RPS26: variants seen among roughly 807,000 people sequenced by gnomAD.
RPS26 encodes the protein small ribosomal subunit protein eS26.
RPS26 carries 1 observed loss-of-function variant against 14.7 expected under a neutral mutation model. The observed-to-expected ratio is 0.07, with a 90% CI of 0.02 to 0.32. The LOEUF (loss-of-function observed/expected upper bound fraction) is 0.32. Ranked by LOEUF, RPS26 falls within the 10% of genes least tolerant of loss-of-function variation. The pLI, the probability that RPS26 is intolerant of heterozygous loss-of-function variation, is 1.00. For synonymous variants in RPS26, 59 were observed against 53.1 expected (o/e 1.11, Z -0.48); for missense variants, 63 against 157.7 (o/e 0.40, Z 3.22).
Position 56,042,613 on chromosome 12 carries a change from C to T in RPS26, c.181+11C>T. ...CGAGCGTCTTCGATGGTAAGTGGGT[C>T]ACCGGCGCGAACTGTGTGAGGATCC... On this transcript the variant is annotated intron_variant, in intron 2 of 3. Coordinates refer to ENST00000646449, the MANE Select transcript of RPS26 (RefSeq NM_001029.5). The T allele has an allele frequency of 2.5e-6, 4 of 1,597,020 alleles. No homozygotes were observed. Among genetic ancestry groups the T allele is most frequent in the Non-Finnish European group, 3.4e-6 (4 of 1,178,454 alleles).
Position 56,044,308 on chromosome 12 carries a change from T to C in RPS26, c.*154T>C, listed in dbSNP as rs954072836. ...TGTGAAGTGACACACATTATTTTCATGGGGAAGAAAGCTTATTCATGTAAT... is the reference window on the plus strand; with the variant it reads ...TGTGAAGTGACACACATTATTTTCACGGGGAAGAAAGCTTATTCATGTAAT... On this transcript the variant is annotated 3_prime_UTR_variant, in exon 4 of 4. Coordinates refer to ENST00000646449, the MANE Select transcript of RPS26 (RefSeq NM_001029.5). The C allele has an allele frequency of 1.6e-6, 1 of 628,414 alleles. No individual in the cohort carries two copies. The highest frequency in any genetic ancestry group is 2.8e-6 in the Non-Finnish European group (1 of 351,768). The allele number at this position is 628,414 out of a possible 1,614,324, so 38.9% of individuals were successfully genotyped here. A position where few individuals can be genotyped will look rare whatever the true frequency, so the allele number is the denominator to read the frequency against.
rs752360531 is a variant in RPS26 at position 56,042,160 on chromosome 12, C to T, written c.-7C>T. The T allele has an allele frequency of 1.2e-5, 20 of 1,614,040 alleles. No homozygotes were observed. The highest frequency in any genetic ancestry group is 1.2e-4 in the African/African-American group (9 of 74,938). On this transcript the variant is annotated 5_prime_UTR_variant, in exon 1 of 4. Coordinates refer to ENST00000646449, the MANE Select transcript of RPS26 (RefSeq NM_001029.5). Reference sequence around the variant, plus strand: ...ACCGTCTCCTCTCTCCGGTCCGTGCCTCCAAGATGGTGAGTCTTCTTGCGT... The same window carrying T: ...ACCGTCTCCTCTCTCCGGTCCGTGCTTCCAAGATGGTGAGTCTTCTTGCGT...
chr12:56,042,194 T>A, intron 1 of RPS26, 25 bp downstream of exon 1: 1 of 1,613,076 alleles, frequency 6.2e-7, no homozygotes. Flanking sequence ...GTGGTGAGGG[T>A]GGGGGTTCGG....
chr12:56,042,929 GGAA>G (rs1895909667), intron 2 of RPS26: 1 of 446,538 alleles, frequency 2.2e-6, no homozygotes, highest in South Asian at 2.2e-5. Flanking sequence ...ATACAGGTGA[GGAA>G]GAATGTCTTC....
chr12:56,043,359 T>G lies in RPS26; in HGVS notation c.182-4T>G. 1 of 1,611,526 alleles carries G rather than the reference T, an allele frequency of 6.2e-7. No homozygotes were observed. Among genetic ancestry groups the G allele is most frequent in the South Asian group, 1.1e-5 (1 of 90,976 alleles). ...CCAGTATAACTCTATTTTCTATTCC[T>G]TAGCCTATGTGCTTCCCAAGCTGTA... is the stretch of plus-strand genomic sequence containing the variant. On this transcript the variant is annotated splice_polypyrimidine_tract_variant and splice_region_variant and intron_variant, in intron 2 of 3. Coordinates refer to ENST00000646449, the MANE Select transcript of RPS26 (RefSeq NM_001029.5).
In RPS26 at chr12:56,042,072, T is replaced by C; in HGVS notation, c.-95T>C. The C allele has an allele frequency of 7.7e-7, 1 of 1,293,018 alleles. No homozygotes were observed. The highest frequency in any genetic ancestry group is 1.1e-6 in the Non-Finnish European group (1 of 887,316). 80.1% of individuals were successfully genotyped at this position (1,293,018 alleles called of 1,614,324 possible). A position where few individuals can be genotyped will look rare whatever the true frequency, so the allele number is the denominator to read the frequency against. On this transcript the variant is annotated 5_prime_UTR_variant, in exon 1 of 4. Transcript: ENST00000646449. ...TGAGTTGCCGTTCTTGAAGCCCGTC[T>C]CCTAAGGATTCTCCCGGTGTCCGCG... is the stretch of plus-strand genomic sequence containing the variant.
chr12:56,043,846 A>G (rs1439059477), intron 3 of RPS26, among the ~76,000 whole-genome samples: 1 of 151,584 alleles, frequency 6.6e-6, no homozygotes, highest in Non-Finnish European at 1.5e-5. Context: ...CCTGTGGTGC[A>G]GGGGGTATCA....
At chr12:56,043,145 T>A in intron 2 of RPS26, 1 of 526,926 alleles carries the variant, frequency 1.9e-6, no homozygotes, top group Non-Finnish European at 3.4e-6. Context: ...CAAGATGAAC[T>A]CACGTGGGAT....
chr12:56,043,242 G>A (rs78628559), intron 2 of RPS26, 121 bp from the exon 3 acceptor site: 62 of 976,418 alleles, frequency 6.3e-5, no homozygotes, highest in Non-Finnish European at 9.5e-5. Context: ...TTATGTGCCC[G>A]ACAGGCATTT....
chr12:56,043,629 T>G, intron 3 of RPS26, 136 bp downstream of exon 3: 3 of 847,466 alleles, frequency 3.5e-6, no homozygotes, highest in Non-Finnish European at 5.8e-6. Context: ...AACCAGCAGT[T>G]CAAGACCCCA....
At chr12:56,043,527 G>C in intron 3 of RPS26, 34 bp downstream of exon 3, 4 of 1,612,892 alleles carry the variant, frequency 2.5e-6, no homozygotes, top group Non-Finnish European at 3.4e-6. Flanking sequence ...GAAGCCAGGG[G>C]AGTGATGGTT....
intron 1 of RPS26, 40 bp downstream of exon 1, chr12:56,042,209 A>C (rs1482334981): frequency 1.2e-6 from 2 of 1,613,238 alleles, no homozygotes; most frequent in African/African-American, 1.3e-5. Flanking sequence ...GTTCGGGTGC[A>C]GACTCTGGGA....
In RPS26 at chr12:56,043,258, G is replaced by C. The variant is rs1051489148; in HGVS notation, c.182-105G>C. On this transcript the variant is annotated intron_variant, in intron 2 of 3. Coordinates refer to ENST00000646449, the MANE Select transcript of RPS26 (RefSeq NM_001029.5). ...TATGTGCCCGACAGGCATTTAAATA[G>C]GTTTAGTTTTAATTGACGTAAACAT... 3 of 1,132,834 alleles carry C rather than the reference G, an allele frequency of 2.6e-6. No individual in the cohort carries two copies. The African/African-American group carries it at 4.6e-5, about 17-fold the overall frequency. 70.2% of individuals were successfully genotyped at this position (1,132,834 alleles called of 1,614,324 possible). A position where few individuals can be genotyped will look rare whatever the true frequency, so the allele number is the denominator to read the frequency against.
intron 3 of RPS26, among the ~76,000 whole-genome samples, 187 bp downstream of exon 3, chr12:56,043,680 T>C (rs1018741922): frequency 3.9e-5 from 6 of 152,050 alleles, no homozygotes; most frequent in Non-Finnish European, 8.8e-5. Flanking sequence ...AGCATGATAG[T>C]GTGAACCTAT....
chr12:56,044,051 G>C (rs544085227), intron 3 of RPS26, 68 bp from the exon 4 acceptor site: 2 of 1,372,096 alleles, frequency 1.5e-6, no homozygotes, highest in East Asian at 2.3e-5. Context: ...TGGTGGTCAA[G>C]TTCTTTGGGG....
intron 2 of RPS26, 200 bp downstream of exon 2, chr12:56,042,802 C>G: frequency 1.5e-6 from 1 of 646,394 alleles, no homozygotes; most frequent in East Asian, 2.7e-5. Flanking sequence ...TGATAGAGTG[C>G]ACAGCCTTTA....
intron 2 of RPS26, chr12:56,043,015 G>A: frequency 5.0e-6 from 2 of 396,956 alleles, no homozygotes; most frequent in Non-Finnish European, 9.4e-6. Context: ...ACGTCGCTTT[G>A]TTTTTTTCCT....
intron 3 of RPS26, 32 bp downstream of exon 3, chr12:56,043,525 G>A: frequency 1.2e-6 from 2 of 1,612,942 alleles, no homozygotes; most frequent in Non-Finnish European, 1.7e-6. Context: ...TGGAAGCCAG[G>A]GGAGTGATGG....
rs1191650736 is a variant in RPS26, at chr12:56,044,345, CTTTTTTTTTTTT to C, written c.*200_*211del. On this transcript the variant is annotated 3_prime_UTR_variant, in exon 4 of 4. Transcript: ENST00000646449. ...CTTATTCATGTAATTTAATTTTTTT[CTTTTTTTTTTTT>C]TTTTTTTTGAGACGGAGTCTTTGTC... is the stretch of plus-strand genomic sequence containing the variant. The C allele has an allele frequency of 4.4e-6, 1 of 225,046 alleles. No individual in the cohort carries two copies. Among genetic ancestry groups the C allele is most frequent in the Admixed American group, 1.0e-4 (1 of 9,850 alleles). The allele number at this position is 225,046 out of a possible 1,614,324, so 13.9% of individuals were successfully genotyped here. A position where few individuals can be genotyped will look rare whatever the true frequency, so the allele number is the denominator to read the frequency against.
Sources: allele counts gnomAD v4.1 joint callset (sites outside exome capture counted in the v4.1 genomes callset), GRCh38; gene constraint gnomAD v4.1.1; transcripts MANE v1.5; gene names NCBI Gene and HGNC (gene_info 2026-07-23, HGNC 2026-07-21).